Variants in RALYL observed in about 807,000 individuals in gnomAD.
RALYL encodes RALY RNA binding protein like, also known as RNA-binding Raly-like protein.
Under a neutral mutation model 35.1 loss-of-function variants are expected in RALYL, and 29 were observed. That is an observed-to-expected ratio of 0.83 (90% CI 0.61 to 1.13). RALYL has a LOEUF of 1.13. RALYL is among the 50% of genes most tolerant of loss of function. RALYL has a pLI of 0.00. For synonymous variants in RALYL, 120 were observed against 127.6 expected, an observed-to-expected ratio of 0.94 and a Z score of 0.40; for missense variants, 359 against 360.4, an observed-to-expected ratio of 1.00 and a Z score of 0.03.
intron 1 of RALYL, among the ~76,000 whole-genome samples, chr8:84,502,561 G>A (rs1050603674): frequency 2.6e-5 from 4 of 151,946 alleles, no homozygotes; most frequent in Admixed American, 2.6e-4. Context: ...AATAAAAAAG[G>A]TTTCTTTGTA....
chr8:84,628,769 T>C (rs1027264029), intron 2 of RALYL, among the ~76,000 whole-genome samples: 3 of 152,064 alleles, frequency 2.0e-5, no homozygotes, highest in African/African-American at 7.2e-5. Context: ...CATGAGCATC[T>C]ACAATCTCAG....
At chr8:84,801,151 G>GTCA (rs1160218960) in intron 3 of RALYL, among the ~76,000 whole-genome samples, 2 of 152,174 alleles carry the variant, frequency 1.3e-5, no homozygotes, top group African/African-American at 4.8e-5. Flanking sequence ...TCTACAGTGT[G>GTCA]TCATCATCAT....
chr8:84,456,310 A>C lies in RALYL; in HGVS notation c.-23-72989A>C, dbSNP rs543581751. Among the ~76,000 whole-genome samples the C allele has an allele frequency of 2.6e-5, 4 of 152,148 alleles. No homozygotes were observed. The East Asian group carries it at 7.8e-4, about 30-fold the overall frequency. On this transcript the variant is annotated intron_variant, in intron 1 of 8. Transcript: ENST00000521268. ...GCACTGCACATTAATTAACTCGTTT[A>C]ACACAACACTCATCCGAATTTGGTA...
chr8:84,857,647 G>A (rs1043959758), intron 5 of RALYL, among the ~76,000 whole-genome samples: 3 of 152,108 alleles, frequency 2.0e-5, no homozygotes, highest in African/African-American at 4.8e-5. Flanking sequence ...ATGCCCCACA[G>A]CCATTAAAAT....
intron 7 of RALYL, among the ~76,000 whole-genome samples, chr8:84,883,550 G>C (rs972821878): frequency 6.6e-6 from 1 of 151,982 alleles, no homozygotes; most frequent in African/African-American, 2.4e-5. Context: ...ATCAGATCTT[G>C]TGAGACTTAT....
Position 84,873,329 on chromosome 8 carries a change from T to G in RALYL, c.617T>G (p.Ile206Ser). The part of the protein sequence containing the change: ...LQTIKKELTQ[I>S]KTKIDSLLGR... ...ACCATCAAGAAAGAATTAACCCAGATCAAAACTAAAATTGACTCCTTGCTA... is the reference window on the plus strand; with the variant it reads ...ACCATCAAGAAAGAATTAACCCAGAGCAAAACTAAAATTGACTCCTTGCTA... The change falls in exon 7 of 9, where the codon ATC becomes AGC. Residue 206 changes from isoleucine to serine, a missense_variant. Ile to Ser is a moderately radical substitution (Grantham distance 142). Transcript: ENST00000521268. 6.2e-7 allele frequency: 1 copy of G among 1,602,474 alleles called. No individual in the cohort carries two copies. Among genetic ancestry groups the G allele is most frequent in the Non-Finnish European group, 8.5e-7 (1 of 1,174,316 alleles).
At chr8:84,306,626 G>A (rs1277199082) in intron 1 of RALYL, among the ~76,000 whole-genome samples, 1 of 152,104 alleles carries the variant, frequency 6.6e-6, no homozygotes, top group Non-Finnish European at 1.5e-5. Flanking sequence ...GGACACAAAT[G>A]TTGGGCCCCC....
At chr8:84,293,511 GA>G (rs113077947) in intron 1 of RALYL, among the ~76,000 whole-genome samples, 7,039 of 152,106 alleles carry the variant, frequency 0.046, 262 homozygotes, top group African/African-American at 0.083. Context: ...CATGGTCATT[GA>G]AATTCTCTCC....
In RALYL at chr8:84,895,670, G is replaced by A. The variant is rs181777186; in HGVS notation, c.858+7894G>A. Among the ~76,000 whole-genome samples, 113 of 152,068 alleles carry A rather than the reference G, an allele frequency of 7.4e-4. 3 individuals carry two copies. The East Asian group carries it at 0.02, about 26-fold the overall frequency. On this transcript the variant is annotated intron_variant, in intron 8 of 8. Transcript: ENST00000521268. The stretch of plus-strand genomic sequence containing the variant: ...TGGGATTACAGGCACCCACCACCAC[G>A]CCTGGCTAATTTTTGTATTTTAGTA...
intron 1 of RALYL, among the ~76,000 whole-genome samples, chr8:84,217,157 GC>G (rs2131255678): frequency 6.6e-6 from 1 of 152,176 alleles, no homozygotes; most frequent in South Asian, 2.1e-4. Flanking sequence ...CAGTAGGTAA[GC>G]TCTTTCAAAA....
At chr8:84,677,592 G>C (rs930888661) in intron 2 of RALYL, among the ~76,000 whole-genome samples, 1 of 152,058 alleles carries the variant, frequency 6.6e-6, no homozygotes, top group African/African-American at 2.4e-5. Flanking sequence ...ATTTAAACTG[G>C]TGATAAAACT....
chr8:84,302,570 C>T (rs768976616), intron 1 of RALYL, among the ~76,000 whole-genome samples: 22 of 152,044 alleles, frequency 1.4e-4, no homozygotes, highest in Non-Finnish European at 2.4e-4. Context: ...GCTGTAGTGC[C>T]GAAGAGCAAG....
In RALYL at chr8:84,836,222, A is replaced by G. The variant is rs11984888; in HGVS notation, c.366-13758A>G. ...CATTTCCAAAATTTACTCTTCCTAC[A>G]TTCTGTCACTGGTCTATCAATTAAA... On this transcript the variant is annotated intron_variant, in intron 4 of 8. Coordinates refer to ENST00000521268, the MANE Select transcript of RALYL (RefSeq NM_173848.7). Among the ~76,000 whole-genome samples the G allele has an allele frequency of 3.9e-3, 600 of 152,280 alleles. 6 individuals carry two copies. Among genetic ancestry groups the G allele is most frequent in the African/African-American group, 0.014 (563 of 41,570 alleles).
At chr8:84,866,226 C>G (rs1017892269) in intron 6 of RALYL, among the ~76,000 whole-genome samples, 3 of 152,106 alleles carry the variant, frequency 2.0e-5, no homozygotes, top group East Asian at 3.9e-4. Context: ...GAGACAAGAT[C>G]TGGGTGGAGA....
At chr8:84,617,048 TG>T (rs1159160651) in intron 2 of RALYL, among the ~76,000 whole-genome samples, 4 of 150,886 alleles carry the variant, frequency 2.7e-5, no homozygotes, top group African/African-American at 9.9e-5. Context: ...TTTGTTCTTT[TG>T]GCTTAGGATT....
chr8:84,677,170 C>T lies in RALYL; in HGVS notation c.257-97409C>T, dbSNP rs185679110. 5.9e-5 allele frequency among the ~76,000 whole-genome samples: 9 copies of T among 152,266 alleles called. No homozygotes were observed. The East Asian group carries it at 1.7e-3, about 29-fold the overall frequency. On this transcript the variant is annotated intron_variant, in intron 2 of 8. Transcript: ENST00000521268. ...AAGAAGCCAAAAGATTTTATCAAGG[C>T]AGAGCTATATCTATTAAGCCTTCAA...
chr8:84,248,397 A>G (rs994962365), intron 1 of RALYL, among the ~76,000 whole-genome samples: 3 of 152,082 alleles, frequency 2.0e-5, no homozygotes, highest in Non-Finnish European at 2.9e-5. Flanking sequence ...TGTCTTTCCC[A>G]AGGGATAGCA....
At chr8:84,871,927 ATT>A (rs1208474040) in intron 6 of RALYL, among the ~76,000 whole-genome samples, 1 of 150,180 alleles carries the variant, frequency 6.7e-6, no homozygotes, top group African/African-American at 2.4e-5. Flanking sequence ...CATAAATTGC[ATT>A]TTGTTTTTGT....
intron 4 of RALYL, among the ~76,000 whole-genome samples, chr8:84,822,941 C>A (rs1828836577): frequency 6.6e-6 from 1 of 151,886 alleles, no homozygotes; most frequent in African/African-American, 2.4e-5. Context: ...TGCAAAATTC[C>A]ATTTACGTTA....
Sources: allele counts gnomAD v4.1 joint callset (sites outside exome capture counted in the v4.1 genomes callset), GRCh38; gene constraint gnomAD v4.1.1; transcripts MANE v1.5; gene names NCBI Gene and HGNC (gene_info 2026-07-23, HGNC 2026-07-21).